Variants in PLCB1 observed in about 807,000 individuals in gnomAD.
PLCB1 encodes the protein 1-phosphatidylinositol 4,5-bisphosphate phosphodiesterase beta-1.
In PLCB1, 46 loss-of-function variants were observed where a neutral mutation model predicts 161.8. The ratio of observed to expected loss-of-function variants is 0.28; its 90% confidence interval spans 0.22 to 0.36. The LOEUF (loss-of-function observed/expected upper bound fraction) is 0.36. Ranked by LOEUF, PLCB1 falls within the 10% of genes least tolerant of loss-of-function variation. The pLI is 1.00. For synonymous variants in PLCB1, 517 were observed against 503.7 expected (o/e 1.03, Z -0.35); for missense variants, 1,016 against 1,472.5 (o/e 0.69, Z 5.07).
At chr20:8,356,606 A>G (rs1986369852) in intron 2 of PLCB1, among the ~76,000 whole-genome samples, 1 of 152,218 alleles carries the variant, frequency 6.6e-6, no homozygotes, top group African/African-American at 2.4e-5. Flanking sequence ...ACAGTGCTTA[A>G]GACTCAGGTT....
At chr20:8,529,055 A>T (rs952394545) in intron 3 of PLCB1, among the ~76,000 whole-genome samples, 4 of 149,934 alleles carry the variant, frequency 2.7e-5, no homozygotes, top group Admixed American at 2.6e-4. Context: ...GATGTTTATC[A>T]TATATCAAAA....
At chr20:8,288,172 C>T (rs935832720) in intron 2 of PLCB1, among the ~76,000 whole-genome samples, 5 of 152,128 alleles carry the variant, frequency 3.3e-5, no homozygotes, top group Non-Finnish European at 5.9e-5. Flanking sequence ...CTCTATCTTG[C>T]GTTTCTATCC....
chr20:8,780,628 T>C (rs1233203218), intron 27 of PLCB1, among the ~76,000 whole-genome samples: 1 of 152,156 alleles, frequency 6.6e-6, no homozygotes, highest in African/African-American at 2.4e-5. Flanking sequence ...GTTAGTACCA[T>C]CAAACTGAGT....
intron 2 of PLCB1, among the ~76,000 whole-genome samples, chr20:8,241,584 G>C (rs1980613638): frequency 6.6e-6 from 1 of 151,948 alleles, no homozygotes; most frequent in Non-Finnish European, 1.5e-5. Flanking sequence ...GAGGCAAGGA[G>C]CTGGGCTAGG....
chr20:8,638,896 G>C (rs1988852756), intron 4 of PLCB1, among the ~76,000 whole-genome samples: 1 of 139,938 alleles, frequency 7.1e-6, no homozygotes, highest in Non-Finnish European at 1.6e-5. Flanking sequence ...ATTTGGCCTG[G>C]AGTAACAGAA....
chr20:8,741,339 A>G, intron 22 of PLCB1, 125 bp from the exon 23 acceptor site: 11 of 615,220 alleles, frequency 1.8e-5, no homozygotes, highest in South Asian at 3.6e-5. Flanking sequence ...GGATGGATGG[A>G]TGGGTGGGTA....
intron 3 of PLCB1, among the ~76,000 whole-genome samples, chr20:8,553,374 C>T (rs1273643913): frequency 6.6e-6 from 1 of 152,148 alleles, no homozygotes; most frequent in East Asian, 1.9e-4. Flanking sequence ...GATATCAACA[C>T]AGCTCCAAGT....
At chr20:8,563,193 A>G (rs1422280550) in intron 3 of PLCB1, among the ~76,000 whole-genome samples, 3 of 152,080 alleles carry the variant, frequency 2.0e-5, no homozygotes, top group African/African-American at 7.2e-5. Flanking sequence ...TACAGTGAAC[A>G]AAAAAGTTTG....
intron 3 of PLCB1, among the ~76,000 whole-genome samples, chr20:8,435,555 G>A (rs957836637): frequency 6.6e-6 from 1 of 152,074 alleles, no homozygotes; most frequent in Non-Finnish European, 1.5e-5. Flanking sequence ...ACATATCAAG[G>A]AAATATGACA....
At chr20:8,551,484 G>C (rs1985774091) in intron 3 of PLCB1, among the ~76,000 whole-genome samples, 1 of 152,174 alleles carries the variant, frequency 6.6e-6, no homozygotes, top group Non-Finnish European at 1.5e-5. Flanking sequence ...GTTCTTCGAA[G>C]GGTGTGACCT....
intron 3 of PLCB1, among the ~76,000 whole-genome samples, chr20:8,565,261 C>T (rs1986290055): frequency 6.6e-6 from 1 of 152,154 alleles, no homozygotes; most frequent in Admixed American, 6.5e-5. Flanking sequence ...ACCACATGTT[C>T]TCACTCATAA....
At chr20:8,133,201 C>T (rs1444124722) in intron 1 of PLCB1, among the ~76,000 whole-genome samples, 1 of 152,172 alleles carries the variant, frequency 6.6e-6, no homozygotes, top group East Asian at 1.9e-4. Flanking sequence ...GTTCAAAACA[C>T]TTTAGTGATT....
chr20:8,629,863 TTCTTTCTTTCTTTC>T (rs1391022289), intron 4 of PLCB1, among the ~76,000 whole-genome samples: 3,582 of 101,716 alleles, frequency 0.035, 102 homozygotes, highest in South Asian at 0.055. Flanking sequence ...CTTTCTTTCT[TTCTTTCTTTCTTTC>T]TCTCTCTCTT....
intron 10 of PLCB1, among the ~76,000 whole-genome samples, chr20:8,697,415 A>C (rs1386588859): frequency 6.6e-6 from 1 of 152,184 alleles, no homozygotes; most frequent in Non-Finnish European, 1.5e-5. Flanking sequence ...TTATTGTTAC[A>C]ATGCCCTATC....
intron 31 of PLCB1, among the ~76,000 whole-genome samples, chr20:8,794,594 A>G (rs112165197): frequency 0.012 from 1,837 of 152,314 alleles, 42 homozygotes; most frequent in African/African-American, 0.041. Context: ...GTTGTTGTAT[A>G]TAATAATTTA....
intron 27 of PLCB1, among the ~76,000 whole-genome samples, chr20:8,784,562 CAAA>C (rs5840284): frequency 1.5e-4 from 21 of 137,524 alleles, no homozygotes; most frequent in Non-Finnish European, 1.4e-4. Context: ...CACTGTATCT[CAAA>C]AAAAAAAAAA....
At chr20:8,728,324 A>G (rs1270886353) in intron 17 of PLCB1, among the ~76,000 whole-genome samples, 1 of 152,080 alleles carries the variant, frequency 6.6e-6, no homozygotes, top group Non-Finnish European at 1.5e-5. Flanking sequence ...ACCCTAACCA[A>G]CCTTCACCTA....
intron 3 of PLCB1, among the ~76,000 whole-genome samples, chr20:8,377,852 A>G (rs1987139362): frequency 6.6e-6 from 1 of 152,176 alleles, no homozygotes. Context: ...TGATAATGTC[A>G]GGACAGTTAG....
At chr20:8,629,821 C>CTTTCTTTTCT (rs1259528106) in intron 4 of PLCB1, among the ~76,000 whole-genome samples, 8 of 82,710 alleles carry the variant, frequency 9.7e-5, no homozygotes, top group African/African-American at 2.1e-4. Context: ...TCTTTCTTTT[C>CTTTCTTTTCT]TTTCTTTCTT....
Sources: allele counts gnomAD v4.1 joint callset (sites outside exome capture counted in the v4.1 genomes callset), GRCh38; gene constraint gnomAD v4.1.1; transcripts MANE v1.5; gene names NCBI Gene and HGNC (gene_info 2026-07-23, HGNC 2026-07-21).